The following MLIP variants were observed in gnomAD, a reference collection of about 807,000 sequenced individuals.
The protein encoded by MLIP is muscular LMNA interacting protein, also known as muscular LMNA-interacting protein.
A neutral mutation model predicts 84.8 loss-of-function variants in MLIP; 79 were observed. The observed-to-expected ratio is 0.93, with a 90% CI of 0.78 to 1.12. The LOEUF (loss-of-function observed/expected upper bound fraction) is 1.12, where lower values mean the gene tolerates loss of function less well. MLIP is among the 50% of genes most tolerant of loss of function. The pLI, the probability that MLIP is intolerant of heterozygous loss-of-function variation, is 0.00. For missense variants in MLIP, 1,257 were observed against 1,160.6 expected (o/e 1.08, Z -1.21); for synonymous variants, 504 against 463.0 (o/e 1.09, Z -1.14).
chr6:54,070,255 T>A (rs1479510372), intron 1 of MLIP, among the ~76,000 whole-genome samples: 1 of 152,186 alleles, frequency 6.6e-6, no homozygotes, highest in Non-Finnish European at 1.5e-5. Flanking sequence ...CCTTCAATTT[T>A]CAAAGAGCCT....
intron 1 of MLIP, among the ~76,000 whole-genome samples, chr6:54,030,170 AC>A (rs1764045239): frequency 6.6e-6 from 1 of 152,186 alleles, no homozygotes; most frequent in Non-Finnish European, 1.5e-5. Context: ...AATTTTATTA[AC>A]TTTTAATTGT....
At chr6:54,130,210 G>A (rs965726932) in intron 3 of MLIP, among the ~76,000 whole-genome samples, 1 of 152,062 alleles carries the variant, frequency 6.6e-6, no homozygotes, top group Non-Finnish European at 1.5e-5. Context: ...GGGTTAATTT[G>A]TACCATTAAC....
At chr6:54,254,885 T>A (rs1782901568) in intron 12 of MLIP, among the ~76,000 whole-genome samples, 1 of 151,826 alleles carries the variant, frequency 6.6e-6, no homozygotes, top group African/African-American at 2.4e-5. Flanking sequence ...ACAGTAACTT[T>A]TTTTGAAATG....
intron 1 of MLIP, among the ~76,000 whole-genome samples, chr6:54,073,689 C>T (rs1042391351): frequency 3.9e-5 from 6 of 152,136 alleles, no homozygotes; most frequent in East Asian, 1.9e-4. Flanking sequence ...TCTCAGGTGA[C>T]GCCATGCTGC....
chr6:54,228,213 A>AGG (rs1554188685), intron 11 of MLIP, among the ~76,000 whole-genome samples: 1 of 116,650 alleles, frequency 8.6e-6, no homozygotes, highest in Non-Finnish European at 1.7e-5. Flanking sequence ...AAAAAAAAAA[A>AGG]AGAGAAAGAA....
chr6:54,022,056 A>G (rs187403574), intron 1 of MLIP, among the ~76,000 whole-genome samples: 20 of 152,360 alleles, frequency 1.3e-4, no homozygotes, highest in Non-Finnish European at 2.4e-4. Context: ...TAGTTCCACC[A>G]TAATTGCTGT....
chr6:54,039,627 A>C (rs1348211435), intron 1 of MLIP, among the ~76,000 whole-genome samples: 1 of 151,942 alleles, frequency 6.6e-6, no homozygotes. Flanking sequence ...ATGTTGGTTT[A>C]TTCTCTGACC....
At chr6:54,055,903 T>C (rs1418581154) in intron 1 of MLIP, among the ~76,000 whole-genome samples, 1 of 152,134 alleles carries the variant, frequency 6.6e-6, no homozygotes, top group Non-Finnish European at 1.5e-5. Flanking sequence ...ATGTGGCAAT[T>C]CCTGCTTTCA....
At chr6:54,194,078 C>T (rs1322038148) in intron 10 of MLIP, among the ~76,000 whole-genome samples, 1 of 152,154 alleles carries the variant, frequency 6.6e-6, no homozygotes, top group African/African-American at 2.4e-5. Flanking sequence ...AAAAATAAGT[C>T]ACATGGCTAT....
chr6:54,100,361 AC>A (rs992490769), intron 1 of MLIP, among the ~76,000 whole-genome samples: 6 of 152,030 alleles, frequency 3.9e-5, no homozygotes, highest in African/African-American at 9.7e-5. Flanking sequence ...TATACAAAAT[AC>A]CTTTATATAA....
chr6:54,061,632 A>T (rs1040887497), intron 1 of MLIP, among the ~76,000 whole-genome samples: 1 of 152,222 alleles, frequency 6.6e-6, no homozygotes, highest in Non-Finnish European at 1.5e-5. Context: ...GGTATCGAAT[A>T]AATGAGACCA....
At chr6:54,064,006 TGTTGCTTG>T (rs1766131202) in intron 1 of MLIP, among the ~76,000 whole-genome samples, 3 of 56,224 alleles carry the variant, frequency 5.3e-5, no homozygotes, top group East Asian at 5.3e-4. Context: ...TTTGGATTTT[TGTTGCTTG>T]AGGTTATAGT....
upstream of MLIP, among the ~76,000 whole-genome samples, chr6:54,110,315 C>G (rs142817116): frequency 4.8e-3 from 728 of 152,108 alleles, 6 homozygotes; most frequent in Admixed American, 8.1e-3. Flanking sequence ...TCTTTTTTCA[C>G]TTTGTATCTT....
intron 1 of MLIP, among the ~76,000 whole-genome samples, chr6:54,105,770 G>A (rs1348317989): frequency 6.6e-6 from 1 of 152,120 alleles, no homozygotes; most frequent in Non-Finnish European, 1.5e-5. Context: ...TGAAGGCATG[G>A]TAACCATCTT....
chr6:54,246,850 A>G (rs1443767467), intron 12 of MLIP, among the ~76,000 whole-genome samples: 1 of 152,094 alleles, frequency 6.6e-6, no homozygotes, highest in Non-Finnish European at 1.5e-5. Flanking sequence ...CTCCCATCAC[A>G]TAGATAGTGT....
At position 54,190,958 on chromosome 6, in the gene MLIP, G is replaced by A. The variant is rs560443512; in HGVS notation, c.2589+1044G>A. On this transcript the variant is annotated intron_variant, in intron 10 of 13. Transcript: ENST00000502396. The stretch of plus-strand genomic sequence containing the variant: ...CTACAGGCGCCCGCCACCGAGCCCG[G>A]CTAATTTTTTGTATTTTTAGTAGAG... Among the ~76,000 whole-genome samples, 26 of 151,890 alleles carry A rather than the reference G, an allele frequency of 1.7e-4. No homozygotes were observed. The East Asian group carries it at 4.1e-3, about 24-fold the overall frequency.
At position 54,136,871 on chromosome 6, in the gene MLIP, G is replaced by A; in HGVS notation, c.802G>A (p.Gly268Arg). Residue 268 changes from glycine (G) to arginine (R), a missense_variant, in exon 4 of 14, where the codon GGG becomes AGG. Coordinates refer to ENST00000502396, the MANE Select transcript of MLIP (RefSeq NM_001281747.2). ...EFHTRRLDVG[G>R]AVVEESATYF... is the part of the protein sequence containing the mutation. ...CCACACTAGGAGGCTGGATGTCGGTGGGGCCGTGGTGGAAGAATCAGCTAC... is the reference window on the plus strand; with the variant it reads ...CCACACTAGGAGGCTGGATGTCGGTAGGGCCGTGGTGGAAGAATCAGCTAC... 6.5e-7 allele frequency: 1 copy of A among 1,535,294 alleles called. No homozygotes were observed. Among genetic ancestry groups the A allele is most frequent in the Non-Finnish European group, 8.7e-7 (1 of 1,146,210 alleles).
chr6:54,255,429 T>C (rs1278108657), intron 12 of MLIP, among the ~76,000 whole-genome samples: 1 of 152,188 alleles, frequency 6.6e-6, no homozygotes, highest in African/African-American at 2.4e-5. Context: ...AATAAATTAT[T>C]ATGACTAAAT....
At chr6:54,045,489 G>C (rs1035928740) in intron 1 of MLIP, 1 of 152,136 alleles carries the variant, frequency 6.6e-6, no homozygotes, top group Non-Finnish European at 1.5e-5. Context: ...TATGATGCTG[G>C]TAGACTTGTC....
Sources: gnomAD v4.1 joint callset for allele counts (sites outside exome capture counted in the v4.1 genomes callset) on GRCh38, gnomAD v4.1.1 for gene constraint, MANE v1.5 for transcripts, NCBI Gene and HGNC (gene_info 2026-07-23, HGNC 2026-07-21) for gene names.